The following NSG2 variants were observed in gnomAD, a reference collection of about 807,000 sequenced individuals.
The protein encoded by NSG2 is neuronal vesicle trafficking associated 2, also known as neuronal vesicle trafficking-associated protein 2.
A neutral mutation model predicts 16.9 loss-of-function variants in NSG2; 4 were observed. That is an observed-to-expected ratio of 0.24 (90% CI 0.12 to 0.54). NSG2 has a LOEUF of 0.54. NSG2 is among the 20% of genes least tolerant of loss of function. The probability of loss-of-function intolerance (pLI) is 0.95; values close to 1 mark genes in which losing one functional copy is unlikely to be tolerated. For missense variants in NSG2, 179 were observed against 221.1 expected (o/e 0.81, Z 1.21); for synonymous variants, 98 against 88.7 (o/e 1.11, Z -0.59).
chr5:174,107,788 A>C lies in NSG2; in HGVS notation c.*283A>C. ...TCCCATGTAAGATATTTTTAAAGCC[A>C]CTGCTTATTCTTTGTTAGGAAAATG... On this transcript the variant is annotated 3_prime_UTR_variant, in exon 5 of 5. Coordinates refer to ENST00000303177, the MANE Select transcript of NSG2 (RefSeq NM_015980.5). This position sits in a 1 kb window ranked among gnomAD's most constrained non-coding sequence, Gnocchi z 4.5. 6.5e-6 allele frequency: 4 copies of C among 614,638 alleles called. No homozygotes were observed. The highest frequency in any genetic ancestry group is 9.1e-6 in the Non-Finnish European group (3 of 330,178). The allele number at this position is 614,638 out of a possible 1,614,324, so 38.1% of individuals were successfully genotyped here.
At chr5:174,091,035 C>CT in intron 3 of NSG2, among the ~76,000 whole-genome samples, 1 of 139,610 alleles carries the variant, frequency 7.2e-6, no homozygotes, top group Non-Finnish European at 1.5e-5. Flanking sequence ...TCCCCTTCTT[C>CT]TTCCTTTTTT....
chr5:174,055,513 G>A (rs893839316), intron 2 of NSG2, among the ~76,000 whole-genome samples: 10 of 152,106 alleles, frequency 6.6e-5, no homozygotes, highest in African/African-American at 2.4e-4. Context: ...CAGGAGAATG[G>A]TGTGAACCCA....
At chr5:174,105,099 TTATCTC>T (rs1271748319) in intron 4 of NSG2, among the ~76,000 whole-genome samples, 1 of 152,234 alleles carries the variant, frequency 6.6e-6, no homozygotes, top group Non-Finnish European at 1.5e-5. Context: ...TCCTTAAACA[TTATCTC>T]AATTGAGCTG....
At chr5:174,051,725 A>G (rs1418379101) in intron 2 of NSG2, among the ~76,000 whole-genome samples, 1 of 152,262 alleles carries the variant, frequency 6.6e-6, no homozygotes, top group Non-Finnish European at 1.5e-5. Context: ...GAGACTTCAA[A>G]CAATCCATCA....
At chr5:174,073,262 C>T (rs1025226755) in intron 3 of NSG2, among the ~76,000 whole-genome samples, 10 of 152,204 alleles carry the variant, frequency 6.6e-5, no homozygotes, top group African/African-American at 2.4e-4. Context: ...ACTCCAGGGC[C>T]TTCATTCCAT....
Position 174,080,529 on chromosome 5 carries a change from C to CTCTCTCTCTCTCTCTCTCTCTT in NSG2, c.213+16218_213+16239dup, listed in dbSNP as rs1561668648. 5.7e-4 allele frequency among the ~76,000 whole-genome samples: 59 copies of CTCTCTCTCTCTCTCTCTCTCTT among 102,838 alleles called. 1 individual carries two copies. Among genetic ancestry groups the CTCTCTCTCTCTCTCTCTCTCTT allele is most frequent in the African/African-American group, 2.4e-3 (57 of 23,672 alleles). 67.5% of individuals were successfully genotyped at this position (102,838 alleles called of 152,430 possible). A position where few individuals can be genotyped will look rare whatever the true frequency, so the allele number is the denominator to read the frequency against. The stretch of plus-strand genomic sequence containing the variant: ...TTTCTTTCCCTCTTTCTTTCTTTCT[C>CTCTCTCTCTCTCTCTCTCTCTT]TCTCTCTCTCTCTCTCTCTCTTTCT... On this transcript the variant is annotated intron_variant, in intron 3 of 4. Transcript: ENST00000303177.
Position 174,093,617 on chromosome 5 carries a change from A to C in NSG2, c.214-10611A>C, listed in dbSNP as rs561115640. On this transcript the variant is annotated intron_variant, in intron 3 of 4. Coordinates refer to ENST00000303177, the MANE Select transcript of NSG2 (RefSeq NM_015980.5). Reference sequence around the variant, plus strand: ...AACTTTCTGCTCAAGCCCTATTGTCAGGATCTTTGGGGCTCAGCCAGGAAC... The same window carrying C: ...AACTTTCTGCTCAAGCCCTATTGTCCGGATCTTTGGGGCTCAGCCAGGAAC... 1.0e-3 allele frequency among the ~76,000 whole-genome samples: 152 copies of C among 152,332 alleles called. 2 individuals are homozygous for C. The highest frequency in any genetic ancestry group is 3.4e-3 in the Middle Eastern group (1 of 294).
intron 3 of NSG2, among the ~76,000 whole-genome samples, chr5:174,090,932 G>T (rs1354732559): frequency 1.3e-5 from 2 of 152,142 alleles, no homozygotes; most frequent in African/African-American, 4.8e-5. Context: ...ACCCCCACTG[G>T]AATGCCTAGC....
In NSG2 at chr5:174,108,873, G is replaced by A. The variant is rs1022678739; in HGVS notation, c.*1368G>A. ...GCCATGTAAAGGGTATTTTTTTGTG[G>A]CTTGCTGTGTTGCTGAGATCATCGT... On this transcript the variant is annotated 3_prime_UTR_variant, in exon 5 of 5. Transcript: ENST00000303177. 1 of 152,708 alleles carries A rather than the reference G, an allele frequency of 6.5e-6. No individual in the cohort carries two copies. The highest frequency in any genetic ancestry group is 2.4e-5 in the African/African-American group (1 of 41,428). The allele number at this position is 152,708 out of a possible 1,614,324, so 9.5% of individuals were successfully genotyped here.
At chr5:174,089,758 G>T (rs910438527) in intron 3 of NSG2, among the ~76,000 whole-genome samples, 4 of 152,128 alleles carry the variant, frequency 2.6e-5, no homozygotes, top group African/African-American at 9.7e-5. Context: ...GGGACTACAG[G>T]TGTACACTAC....
chr5:174,070,907 G>A (rs778805373), intron 3 of NSG2, among the ~76,000 whole-genome samples: 20 of 152,200 alleles, frequency 1.3e-4, no homozygotes, highest in Non-Finnish European at 2.2e-4. Context: ...GCAGGCTTTG[G>A]GTGTGTTGCA....
chr5:174,049,785 T>G (rs1334034192), intron 2 of NSG2, among the ~76,000 whole-genome samples: 2 of 152,232 alleles, frequency 1.3e-5, no homozygotes, highest in East Asian at 3.8e-4. Flanking sequence ...AAAATTGTAT[T>G]ATCAGTTTTC....
In NSG2 at chr5:174,102,941, CTTT is replaced by C. The variant is rs143473714; in HGVS notation, c.214-1270_214-1268del. 1.5e-3 allele frequency among the ~76,000 whole-genome samples: 168 copies of C among 111,702 alleles called. 2 individuals carry two copies. The highest frequency in any genetic ancestry group is 5.7e-3 in the African/African-American group (151 of 26,398). 73.3% of individuals were successfully genotyped at this position (111,702 alleles called of 152,430 possible). ...TCACAGGTGCCTGCCACCACCCTGG[CTTT>C]TTTTTTTTTTTTTTTTGTATTTTTA... is the stretch of plus-strand genomic sequence containing the variant. On this transcript the variant is annotated intron_variant, in intron 3 of 4. Transcript: ENST00000303177.
Position 174,107,345 on chromosome 5 carries a change from C to G in NSG2, c.356C>G (p.Ala119Gly). The change falls in exon 5 of 5, where the codon GCT (alanine) becomes GGT (glycine). Residue 119 changes from alanine (A) to glycine (G), a missense_variant. Coordinates refer to ENST00000303177, the MANE Select transcript of NSG2 (RefSeq NM_015980.5). This position sits in a 1 kb window ranked among gnomAD's most constrained non-coding sequence, Gnocchi z 4.5. ...CGCTGTATCCCAGCCTCCCTGGATGCTTACTACTCCTCCCAGGACCCCAAT... is the reference window on the plus strand; with the variant it reads ...CGCTGTATCCCAGCCTCCCTGGATGGTTACTACTCCTCCCAGGACCCCAAT... ...HKRCIPASLD[A>G]YYSSQDPNSR... The G allele has an allele frequency of 6.3e-7, 1 of 1,587,246 alleles. No homozygotes were observed. The highest frequency in any genetic ancestry group is 8.6e-7 in the Non-Finnish European group (1 of 1,161,500).
At chr5:174,070,247 GT>G (rs1760216005) in intron 3 of NSG2, among the ~76,000 whole-genome samples, 2 of 152,074 alleles carry the variant, frequency 1.3e-5, no homozygotes, top group Admixed American at 1.3e-4. Flanking sequence ...TAATAATAAT[GT>G]CTTAAATATG....
chr5:174,058,263 G>C (rs964495159), intron 2 of NSG2, among the ~76,000 whole-genome samples: 2 of 152,010 alleles, frequency 1.3e-5, no homozygotes, highest in African/African-American at 4.8e-5. Context: ...GGAGTCATGA[G>C]GATAAACAAT....
In NSG2 at chr5:174,107,288, CCT is replaced by C. The variant is rs755314074; in HGVS notation, c.325-25_325-24del. 2 of 1,528,704 alleles carry C rather than the reference CCT, an allele frequency of 1.3e-6. No homozygotes were observed. Among genetic ancestry groups the C allele is most frequent in the East Asian group, 4.6e-5 (2 of 43,606 alleles). 94.7% of individuals were successfully genotyped at this position (1,528,704 alleles called of 1,614,324 possible). The stretch of plus-strand genomic sequence containing the variant: ...GTTGGGAGCAGTTTGCTGAATGACC[CCT>C]GACTCTGTCTCTTTCTTCCCCAGCA... On this transcript the variant is annotated intron_variant, in intron 4 of 4. Coordinates refer to ENST00000303177, the MANE Select transcript of NSG2 (RefSeq NM_015980.5). The surrounding 1 kb of genome is among the most constrained non-coding windows in gnomAD (Gnocchi z 4.5).
At chr5:174,075,557 G>A (rs1760326566) in intron 3 of NSG2, among the ~76,000 whole-genome samples, 1 of 152,162 alleles carries the variant, frequency 6.6e-6, no homozygotes, top group Non-Finnish European at 1.5e-5. Context: ...GTTTGGCCGA[G>A]TCCTGAAATG....
chr5:174,064,180 G>T, intron 2 of NSG2, 52 bp from the exon 3 acceptor site: 3 of 1,290,292 alleles, frequency 2.3e-6, no homozygotes, highest in East Asian at 2.5e-5. Context: ...AAAAAAGAAA[G>T]GAAAATGTTT....
Sources: gnomAD v4.1 joint callset for allele counts (sites outside exome capture counted in the v4.1 genomes callset) on GRCh38, gnomAD v4.1.1 for gene constraint, Gnocchi (gnomAD v3.1) non-coding constraint, MANE v1.5 for transcripts, NCBI Gene and HGNC (gene_info 2026-07-23, HGNC 2026-07-21) for gene names.